The following UBXN2B variants were observed in gnomAD, a reference collection of about 807,000 sequenced individuals.
UBXN2B encodes UBX domain-containing protein 2B.
In UBXN2B, 19 loss-of-function variants were observed where a neutral mutation model predicts 37.5. The observed-to-expected ratio is 0.51, with a 90% confidence interval of 0.35 to 0.74. The LOEUF (loss-of-function observed/expected upper bound fraction) is 0.74, where lower values mean the gene tolerates loss of function less well. UBXN2B is among the 30% of genes least tolerant of loss of function. The probability of loss-of-function intolerance (pLI) is 0.01; values close to 1 mark genes in which losing one functional copy is unlikely to be tolerated. For missense variants in UBXN2B, 370 were observed against 393.2 expected, an observed-to-expected ratio of 0.94 and a Z score of 0.50; for synonymous variants, 145 against 143.8, an observed-to-expected ratio of 1.01 and a Z score of -0.06.
At chr8:58,437,244 G>T (rs1190757816) in intron 5 of UBXN2B, among the ~76,000 whole-genome samples, 1 of 150,236 alleles carries the variant, frequency 6.7e-6, no homozygotes, top group Non-Finnish European at 1.5e-5. Flanking sequence ...TGTCTGCGTT[G>T]TGTCCATACC....
Position 58,411,368 on chromosome 8 carries a change from G to T in UBXN2B, c.-18G>T. 7.9e-7 allele frequency: 1 copy of T among 1,268,068 alleles called. No individual in the cohort carries two copies. Among genetic ancestry groups the T allele is most frequent in the Non-Finnish European group, 1.0e-6 (1 of 1,003,858 alleles). The allele number at this position is 1,268,068 out of a possible 1,614,324, so 78.6% of individuals were successfully genotyped here. A position where few individuals can be genotyped will look rare whatever the true frequency, so the allele number is the denominator to read the frequency against. On this transcript the variant is annotated 5_prime_UTR_variant, in exon 1 of 8. Coordinates refer to ENST00000399598, the MANE Select transcript of UBXN2B (RefSeq NM_001077619.2). ...TGCGGCAGGTGCGTCCGCAGCGGGC[G>T]CCGCTAGCCAGCGGAAGATGGCGGA...
chr8:58,414,519 A>C (rs572783815), intron 1 of UBXN2B, among the ~76,000 whole-genome samples: 3 of 152,218 alleles, frequency 2.0e-5, no homozygotes, highest in Non-Finnish European at 4.4e-5. Flanking sequence ...TATCCTCTGC[A>C]TATTATTGAA....
At chr8:58,423,227 G>C (rs1023561824) in intron 2 of UBXN2B, among the ~76,000 whole-genome samples, 7 of 152,096 alleles carry the variant, frequency 4.6e-5, no homozygotes, top group Non-Finnish European at 1.0e-4. Flanking sequence ...CTTCATGTCA[G>C]AGGTCTAGCT....
At position 58,448,869 on chromosome 8, in the gene UBXN2B, A is replaced by C. The variant is rs1429801374; in HGVS notation, c.*1318A>C. ...TGGCTTAAAATAGCACAAATTTATT[A>C]TCTTCACAATTCTGTAGGTTAGGAG... On this transcript the variant is annotated 3_prime_UTR_variant, in exon 8 of 8. Transcript: ENST00000399598. The C allele has an allele frequency of 6.6e-6, 1 of 152,332 alleles. No individual in the cohort carries two copies. The highest frequency in any genetic ancestry group is 1.5e-5 in the Non-Finnish European group (1 of 68,038). 9.4% of individuals were successfully genotyped at this position (152,332 alleles called of 1,614,324 possible).
chr8:58,416,724 C>A, intron 1 of UBXN2B, 126 bp from the exon 2 acceptor site: 1 of 653,170 alleles, frequency 1.5e-6, no homozygotes, highest in Non-Finnish European at 2.3e-6. Flanking sequence ...TCATCTGAAG[C>A]AGCAGCTTTT....
At chr8:58,422,692 C>G (rs2129603867) in intron 2 of UBXN2B, among the ~76,000 whole-genome samples, 1 of 152,266 alleles carries the variant, frequency 6.6e-6, no homozygotes, top group East Asian at 1.9e-4. Flanking sequence ...CTGGGAGTGC[C>G]CCAGTGGGGT....
chr8:58,438,912 G>A (rs1025857422), intron 5 of UBXN2B, among the ~76,000 whole-genome samples: 2 of 152,126 alleles, frequency 1.3e-5, no homozygotes, highest in Non-Finnish European at 2.9e-5. Context: ...GGAGGTTTTG[G>A]ATCATGGAGG....
In UBXN2B at chr8:58,439,619, C is replaced by T. The variant is rs75746278; in HGVS notation, c.534-14C>T. On this transcript the variant is annotated splice_polypyrimidine_tract_variant and intron_variant, in intron 5 of 7. Transcript: ENST00000399598. ...GAAAACTTAATGATAACTTTTTTCC[C>T]CCCTTTTTAAAAGAGAGATTCCCCT... is the stretch of plus-strand genomic sequence containing the variant. 6.1e-4 allele frequency: 965 copies of T among 1,582,982 alleles called. 15 individuals carry two copies. In the East Asian group the frequency reaches 0.02, roughly 33 times the overall value.
intron 2 of UBXN2B, chr8:58,426,720 T>C (rs7007181): frequency 0.69 from 461,649 of 666,444 alleles, 162,311 homozygotes; most frequent in African/African-American, 0.87. Context: ...GACAGACCCG[T>C]TCCTTGCTCA....
Position 58,425,048 on chromosome 8 carries a change from C to T in UBXN2B, c.189-5471C>T, listed in dbSNP as rs540634672. On this transcript the variant is annotated intron_variant, in intron 2 of 7. Coordinates refer to ENST00000399598, the MANE Select transcript of UBXN2B (RefSeq NM_001077619.2). ...ATGATGCGTTCCTGCTTATGGTGCACCTCCTCCAGGAAGTCCAGCACACCC... is the reference window on the plus strand; with the variant it reads ...ATGATGCGTTCCTGCTTATGGTGCATCTCCTCCAGGAAGTCCAGCACACCC... 1.3e-4 allele frequency: 103 copies of T among 782,738 alleles called. 1 individual carries two copies. In the African/African-American group the frequency reaches 1.5e-3, roughly 11 times the overall value. 48.5% of individuals were successfully genotyped at this position (782,738 alleles called of 1,614,324 possible).
chr8:58,439,940 A>G (rs1482766152), intron 6 of UBXN2B, among the ~76,000 whole-genome samples, 170 bp downstream of exon 6: 2 of 138,018 alleles, frequency 1.4e-5, no homozygotes, highest in Non-Finnish European at 3.3e-5. Flanking sequence ...ATACCATTAT[A>G]TCATAATATT....
intron 5 of UBXN2B, among the ~76,000 whole-genome samples, chr8:58,436,306 T>C (rs1209080344): frequency 2.0e-5 from 3 of 152,208 alleles, no homozygotes; most frequent in Non-Finnish European, 4.4e-5. Context: ...TTTCAAAGTA[T>C]ATTAATACAA....
chr8:58,414,028 G>A (rs993525767), intron 1 of UBXN2B, among the ~76,000 whole-genome samples: 1 of 152,202 alleles, frequency 6.6e-6, no homozygotes, highest in Admixed American at 6.5e-5. Flanking sequence ...GTTGGACGGG[G>A]AGGGAGTGGG....
At chr8:58,417,744 A>G (rs1008098366) in intron 2 of UBXN2B, among the ~76,000 whole-genome samples, 1 of 152,220 alleles carries the variant, frequency 6.6e-6, no homozygotes, top group African/African-American at 2.4e-5. Flanking sequence ...AGTAGAGTAA[A>G]TACTGTGTTT....
rs1428148496 is a variant in UBXN2B, at chr8:58,416,940, A to G, written c.175A>G (p.Thr59Ala). 1 of 1,604,890 alleles carries G rather than the reference A, an allele frequency of 6.2e-7. No individual in the cohort carries two copies. The highest frequency in any genetic ancestry group is 1.7e-5 in the Admixed American group (1 of 59,416). Reference sequence around the variant, plus strand: ...AGCCACAGTCTTCAAGAGCCCACGGACACCACCTCAACGGTAAGTTTTATT... The same window carrying G: ...AGCCACAGTCTTCAAGAGCCCACGGGCACCACCTCAACGGTAAGTTTTATT... Reference protein sequence around the residue: ...PKATVFKSPRTPPQRFYSSEH... With the variant: ...PKATVFKSPRAPPQRFYSSEH... The change falls in exon 2 of 8, where the codon ACA (threonine) becomes GCA (alanine). Residue 59 changes from threonine (T) to alanine (A), a missense_variant. Physicochemically the swap from Thr to Ala is moderately conservative, Grantham distance 58. Around this residue, in one of 3 missense-constraint regions of UBXN2B, gnomAD observed 197 missense variants for 170.2 expected, o/e 1.16. Transcript: ENST00000399598.
At chr8:58,434,552 T>C in intron 5 of UBXN2B, 48 bp downstream of exon 5, 2 of 1,337,974 alleles carry the variant, frequency 1.5e-6, no homozygotes, top group Non-Finnish European at 2.0e-6. Context: ...GTGGGACTTA[T>C]TTTCTTAACA....
chr8:58,440,136 G>A (rs1030305455), intron 6 of UBXN2B, among the ~76,000 whole-genome samples: 1 of 152,182 alleles, frequency 6.6e-6, no homozygotes. Flanking sequence ...GAAATGACTA[G>A]CATGTGGGAT....
intron 5 of UBXN2B, among the ~76,000 whole-genome samples, chr8:58,437,958 C>A (rs527819072): frequency 4.0e-5 from 6 of 151,638 alleles, no homozygotes; most frequent in Non-Finnish European, 7.4e-5. Flanking sequence ...CAGCCCCCCC[C>A]CCAACCCCCA....
intron 1 of UBXN2B, among the ~76,000 whole-genome samples, chr8:58,413,981 C>G (rs990188746): frequency 2.0e-5 from 3 of 152,176 alleles, no homozygotes; most frequent in African/African-American, 7.2e-5. Flanking sequence ...TATACTCTGT[C>G]CCAGTTTTCC....
Sources: allele counts gnomAD v4.1 joint callset (sites outside exome capture counted in the v4.1 genomes callset), GRCh38; gene constraint gnomAD v4.1.1; regional missense constraint gnomAD v4.1.1; transcripts MANE v1.5; gene names NCBI Gene and HGNC (gene_info 2026-07-23, HGNC 2026-07-21).